NCAM2: variants seen among roughly 807,000 people sequenced by gnomAD.
The protein encoded by NCAM2 is neural cell adhesion molecule 2.
Under a neutral mutation model 98.1 loss-of-function variants are expected in NCAM2, and 30 were observed. The ratio of observed to expected loss-of-function variants is 0.31; its 90% CI spans 0.23 to 0.41. NCAM2 has a LOEUF of 0.41. NCAM2 is among the 10% of genes least tolerant of loss of function. The pLI is 1.00. For missense variants in NCAM2, 867 were observed against 1,005.8 expected (o/e 0.86, Z 1.87); for synonymous variants, 368 against 342.4 (o/e 1.07, Z -0.83).
At chr21:21,442,936 C>T (rs1205215712) in intron 12 of NCAM2, among the ~76,000 whole-genome samples, 1 of 152,070 alleles carries the variant, frequency 6.6e-6, no homozygotes, top group African/African-American at 2.4e-5. Context: ...CTCTTTATCC[C>T]ACCCTCGCCC....
Position 21,338,453 on chromosome 21 carries a change from A to C in NCAM2, c.963A>C (p.Val321=). 6.2e-7 allele frequency: 1 copy of C among 1,613,028 alleles called. No homozygotes were observed. Among genetic ancestry groups the C allele is most frequent in the Non-Finnish European group, 8.5e-7 (1 of 1,179,366 alleles). The change falls in exon 8 of 18, where the codon GTA becomes GTC. Residue 321 remains valine, a synonymous_variant. Transcript: ENST00000400546. The stretch of plus-strand genomic sequence containing the variant: ...ATGAGAATGGTCAAGTCACACTCGT[A>C]TGTGATGCGGAAGGGGAGCCTATTC... The part of the protein sequence containing the change: ...TTYENGQVTL[V]CDAEGEPIPE...
At chr21:21,380,913 T>C (rs1305821927) in intron 9 of NCAM2, among the ~76,000 whole-genome samples, 6 of 152,188 alleles carry the variant, frequency 3.9e-5, no homozygotes, top group Non-Finnish European at 2.9e-5. Context: ...CCTCTCTTTT[T>C]CTCTGCTGAT....
chr21:21,072,620 G>A (rs1030193560), intron 1 of NCAM2, among the ~76,000 whole-genome samples: 1 of 152,038 alleles, frequency 6.6e-6, no homozygotes, highest in East Asian at 1.9e-4. Context: ...ATCTGAAAAC[G>A]TTTCATTGAA....
At chr21:21,404,345 G>A (rs2076693521) in intron 9 of NCAM2, among the ~76,000 whole-genome samples, 1 of 152,074 alleles carries the variant, frequency 6.6e-6, no homozygotes, top group Non-Finnish European at 1.5e-5. Context: ...ACGTGTTGTG[G>A]GAGGGACCCA....
chr21:21,223,927 A>G (rs1447131838), intron 1 of NCAM2, among the ~76,000 whole-genome samples: 1 of 152,170 alleles, frequency 6.6e-6, no homozygotes, highest in East Asian at 1.9e-4. Flanking sequence ...TTCAAACACA[A>G]TTGGAGAGGC....
chr21:21,280,698 A>G (rs754025792), intron 2 of NCAM2, 46 bp downstream of exon 2: 2 of 1,220,128 alleles, frequency 1.6e-6, no homozygotes, highest in African/African-American at 3.1e-5. Context: ...TTTCTGTTAA[A>G]ATATTAATAA....
chr21:21,123,997 G>A lies in NCAM2; in HGVS notation c.55+125379G>A, dbSNP rs980614320. 6.6e-5 allele frequency among the ~76,000 whole-genome samples: 10 copies of A among 151,794 alleles called. No individual in the cohort carries two copies. The East Asian group carries it at 1.8e-3, about 27-fold the overall frequency. ...CGAGTAGCTGGGACTGTAGGCGCCC[G>A]CCAGCACGCCCAGCTAATTTTTGTA... On this transcript the variant is annotated intron_variant, in intron 1 of 17. Coordinates refer to ENST00000400546, the MANE Select transcript of NCAM2 (RefSeq NM_004540.5).
At chr21:21,247,025 T>TA (rs34365790) in intron 1 of NCAM2, among the ~76,000 whole-genome samples, 132,310 of 151,788 alleles carry the variant, frequency 0.87, 58,842 homozygotes, top group Non-Finnish European at 0.98. Flanking sequence ...TTAATATGTT[T>TA]AAAAAAAATT....
At chr21:21,075,962 C>A (rs944815495) in intron 1 of NCAM2, among the ~76,000 whole-genome samples, 1 of 151,626 alleles carries the variant, frequency 6.6e-6, no homozygotes, top group African/African-American at 2.4e-5. Flanking sequence ...ACTAAAAATA[C>A]AAAAATTAGC....
At chr21:21,154,570 G>A (rs985267856) in intron 1 of NCAM2, among the ~76,000 whole-genome samples, 30 of 151,692 alleles carry the variant, frequency 2.0e-4, no homozygotes, top group Middle Eastern at 3.4e-3. Context: ...GACACAAAAC[G>A]AAAACGACAA....
intron 15 of NCAM2, among the ~76,000 whole-genome samples, chr21:21,483,644 G>A (rs185667584): frequency 1.3e-5 from 2 of 152,100 alleles, no homozygotes; most frequent in Admixed American, 6.5e-5. Flanking sequence ...CTAAAACAAT[G>A]GTGAAATAGA....
intron 1 of NCAM2, among the ~76,000 whole-genome samples, chr21:21,270,720 T>C (rs961411126): frequency 6.6e-6 from 1 of 152,178 alleles, no homozygotes; most frequent in Non-Finnish European, 1.5e-5. Context: ...AAATATTTTC[T>C]TTTTAGTATG....
At chr21:21,245,470 A>T (rs2071229152) in intron 1 of NCAM2, among the ~76,000 whole-genome samples, 1 of 152,178 alleles carries the variant, frequency 6.6e-6, no homozygotes, top group Non-Finnish European at 1.5e-5. Context: ...GTACATGGGA[A>T]GTTGTTTTCT....
rs371509557 is a variant in NCAM2 at position 21,355,286 on chromosome 21, T to C, written c.1044+16752T>C. Among the ~76,000 whole-genome samples the C allele has an allele frequency of 5.2e-3, 781 of 151,268 alleles. 2 individuals carry two copies. Among genetic ancestry groups the C allele is most frequent in the South Asian group, 0.024 (116 of 4,784 alleles). On this transcript the variant is annotated intron_variant, in intron 8 of 17. Coordinates refer to ENST00000400546, the MANE Select transcript of NCAM2 (RefSeq NM_004540.5). ...CCATCTCTCCAAAAAATACAAAAAA[T>C]TAGCCGAGCCTGGTGGTGTGCACCT...
intron 1 of NCAM2, among the ~76,000 whole-genome samples, chr21:21,245,262 G>A (rs1422282407): frequency 6.6e-6 from 1 of 151,934 alleles, no homozygotes; most frequent in African/African-American, 2.4e-5. Flanking sequence ...TGCTACACTC[G>A]CCATTTCCAT....
intron 1 of NCAM2, among the ~76,000 whole-genome samples, chr21:21,117,428 C>T (rs2066586725): frequency 6.6e-6 from 1 of 152,120 alleles, no homozygotes; most frequent in South Asian, 2.1e-4. Flanking sequence ...GGTTTCTGCA[C>T]CTCCTTGTTT....
chr21:21,461,631 T>G (rs111416446), intron 12 of NCAM2, among the ~76,000 whole-genome samples: 3 of 152,014 alleles, frequency 2.0e-5, no homozygotes, highest in African/African-American at 7.2e-5. Flanking sequence ...CAATAATCTA[T>G]CCATAAAAGT....
chr21:21,050,587 G>C (rs1163391094), intron 1 of NCAM2, among the ~76,000 whole-genome samples: 2 of 152,166 alleles, frequency 1.3e-5, no homozygotes, highest in Non-Finnish European at 2.9e-5. Context: ...CAGAATGGAA[G>C]ATGTTAGCAT....
intron 10 of NCAM2, among the ~76,000 whole-genome samples, chr21:21,414,473 G>GA (rs369902553): frequency 1.2e-4 from 16 of 137,452 alleles, no homozygotes; most frequent in Middle Eastern, 3.5e-3. Flanking sequence ...TTTGTTGTGT[G>GA]TTTTTTTTTT....
Sources: allele counts gnomAD v4.1 joint callset (sites outside exome capture counted in the v4.1 genomes callset), GRCh38; gene constraint gnomAD v4.1.1; transcripts MANE v1.5; gene names NCBI Gene and HGNC (gene_info 2026-07-23, HGNC 2026-07-21).